The following SOBP variants were observed in gnomAD, a reference collection of about 807,000 sequenced individuals.
SOBP encodes sine oculis-binding protein homolog.
A neutral mutation model predicts 53.6 loss-of-function variants in SOBP; 4 were observed. The ratio of observed to expected loss-of-function variants is 0.07; its 90% CI spans 0.04 to 0.17. The LOEUF (loss-of-function observed/expected upper bound fraction) is 0.17, where lower values mean the gene tolerates loss of function less well. Ranked by LOEUF, SOBP falls within the 10% of genes least tolerant of loss-of-function variation. The pLI is 1.00. For synonymous variants in SOBP, 584 were observed against 522.6 expected (o/e 1.12, Z -1.60); for missense variants, 1,088 against 1,204.7 (o/e 0.90, Z 1.43).
chr6:107,633,862 T>C lies in SOBP; in HGVS notation c.1018T>C (p.Cys340Arg), dbSNP rs767457517. 6.2e-7 allele frequency: 1 copy of C among 1,614,006 alleles called. No homozygotes were observed. Among genetic ancestry groups the C allele is most frequent in the African/African-American group, 1.3e-5 (1 of 74,902 alleles). ...TTVSPSDTANCSVTKIPTPVP... is the reference protein window; with the variant it reads ...TTVSPSDTANRSVTKIPTPVP... ...CGTCTCTCCATCTGACACTGCCAAC[T>C]GCTCTGTCACTAAAATCCCCACGCC... Residue 340 changes from cysteine (C) to arginine (R), a missense_variant, in exon 6 of 7, where the codon TGC becomes CGC. Physicochemically the swap from Cys to Arg is radical, Grantham distance 180 (BLOSUM62 -3). Transcript: ENST00000317357.
intron 4 of SOBP, among the ~76,000 whole-genome samples, chr6:107,556,060 A>G (rs1784600732): frequency 6.6e-6 from 1 of 152,262 alleles, no homozygotes; most frequent in South Asian, 2.1e-4. Flanking sequence ...AAATGAGGAC[A>G]TTAACAATAC....
At chr6:107,516,657 C>T (rs9372162) in intron 3 of SOBP, among the ~76,000 whole-genome samples, 15,223 of 152,072 alleles carry the variant, frequency 0.1, 1,030 homozygotes, top group East Asian at 0.24. Context: ...TTATAATTTA[C>T]GACTCAATTT....
rs1770854068 is a variant in SOBP at position 107,634,156 on chromosome 6, C to G, written c.1312C>G (p.Pro438Ala). The change falls in exon 6 of 7, where the codon CCC becomes GCC. Residue 438 changes from proline to alanine, a missense_variant. This residue lies in a region of SOBP where 211 missense variants were observed against 258.9 expected (regional missense o/e 0.82). Transcript: ENST00000317357. This position sits in a 1 kb window ranked among gnomAD's most constrained non-coding sequence, Gnocchi z 4.5. ...CATGCTTCCCGGCATCGGGCCCCCG[C>G]CCGGTGGCCCCAGAAACCTGGGCCC... ...NPMLPGIGPP[P>A]GGPRNLGPTS... 1 of 1,611,306 alleles carries G rather than the reference C, an allele frequency of 6.2e-7. No individual in the cohort carries two copies. The highest frequency in any genetic ancestry group is 1.7e-5 in the Admixed American group (1 of 59,940).
chr6:107,508,686 T>C (rs1243010888), intron 3 of SOBP, among the ~76,000 whole-genome samples: 3 of 152,276 alleles, frequency 2.0e-5, no homozygotes, highest in Non-Finnish European at 1.5e-5. Context: ...TAATTACTAA[T>C]GTAATTGGTG....
chr6:107,610,644 T>G (rs887720873), intron 5 of SOBP, among the ~76,000 whole-genome samples: 2 of 152,360 alleles, frequency 1.3e-5, no homozygotes, highest in Admixed American at 1.3e-4. Context: ...CTTGAGCATT[T>G]CAAAGCATTC....
In SOBP at chr6:107,635,369, C is replaced by G; in HGVS notation, c.2525C>G (p.Pro842Arg). The change falls in exon 6 of 7, where the codon CCG (proline) becomes CGG (arginine). Residue 842 changes from proline to arginine, a missense_variant. Coordinates refer to ENST00000317357, the MANE Select transcript of SOBP (RefSeq NM_018013.4). The surrounding 1 kb of genome is among the most constrained non-coding windows in gnomAD (Gnocchi z 4.5). The stretch of plus-strand genomic sequence containing the variant: ...CCCGCGGAGAAGGCTGCCATGGCAC[C>G]GTGCATCATCTCCTCGCCCATGCTC... ...PKPAEKAAMA[P>R]CIISSPMLSA... is the part of the protein sequence containing the mutation. The G allele has an allele frequency of 6.2e-7, 1 of 1,613,520 alleles. No homozygotes were observed. Among genetic ancestry groups the G allele is most frequent in the Non-Finnish European group, 8.5e-7 (1 of 1,180,020 alleles).
chr6:107,510,572 T>TC (rs1314098807), intron 3 of SOBP: 43 of 152,250 alleles, frequency 2.8e-4, no homozygotes, highest in Admixed American at 2.8e-3. Context: ...GACTGCAGCT[T>TC]CCTTGATAGT....
intron 4 of SOBP, among the ~76,000 whole-genome samples, chr6:107,553,925 A>G (rs1784537124): frequency 6.6e-6 from 1 of 152,212 alleles, no homozygotes; most frequent in Non-Finnish European, 1.5e-5. Flanking sequence ...TGTAACATGC[A>G]TTAGACATGA....
chr6:107,495,355 G>A (rs1018300499), intron 1 of SOBP, among the ~76,000 whole-genome samples: 9 of 152,146 alleles, frequency 5.9e-5, no homozygotes, highest in African/African-American at 2.2e-4. Flanking sequence ...TATGTATTAT[G>A]GTCTGTTCAA....
intron 5 of SOBP, among the ~76,000 whole-genome samples, chr6:107,600,592 G>A (rs529179857): frequency 1.3e-5 from 2 of 152,198 alleles, no homozygotes; most frequent in Non-Finnish European, 2.9e-5. Context: ...TCTATTGCAA[G>A]AAAGAAATGA....
intron 4 of SOBP, among the ~76,000 whole-genome samples, chr6:107,549,290 C>CAA (rs1215357663): frequency 6.6e-6 from 1 of 151,042 alleles, no homozygotes; most frequent in African/African-American, 2.4e-5. Flanking sequence ...CAAACAACAA[C>CAA]AACAAAAAAA....
intron 4 of SOBP, among the ~76,000 whole-genome samples, chr6:107,560,216 C>T (rs964353750): frequency 1.3e-5 from 2 of 152,150 alleles, no homozygotes; most frequent in Non-Finnish European, 2.9e-5. Flanking sequence ...CTTATCCTTC[C>T]CCAGCCCAAG....
At chr6:107,548,242 T>C (rs1040785055) in intron 4 of SOBP, among the ~76,000 whole-genome samples, 1 of 151,600 alleles carries the variant, frequency 6.6e-6, no homozygotes, top group Non-Finnish European at 1.5e-5. Context: ...TAATTTTCTT[T>C]TTCTGTTTTC....
intron 1 of SOBP, among the ~76,000 whole-genome samples, chr6:107,493,951 T>C (rs1782639037): frequency 6.6e-6 from 1 of 152,238 alleles, no homozygotes; most frequent in Non-Finnish European, 1.5e-5. Context: ...CAAATTTAAA[T>C]TTGATACAAT....
intron 4 of SOBP, among the ~76,000 whole-genome samples, chr6:107,541,789 A>G (rs750696763): frequency 1.3e-5 from 2 of 152,184 alleles, no homozygotes; most frequent in Non-Finnish European, 2.9e-5. Context: ...GAAGGATGTG[A>G]CACTTTCTGT....
At chr6:107,647,062 C>A (rs1182575323) in intron 6 of SOBP, among the ~76,000 whole-genome samples, 6 of 152,162 alleles carry the variant, frequency 3.9e-5, no homozygotes, top group Non-Finnish European at 8.8e-5. Context: ...TGGAGTGAGA[C>A]CTGCCTGGGT....
chr6:107,645,640 CATT>C (rs963041886), intron 6 of SOBP, among the ~76,000 whole-genome samples: 4 of 152,174 alleles, frequency 2.6e-5, no homozygotes, highest in Admixed American at 6.5e-5. Flanking sequence ...CCAGTTCACT[CATT>C]GTTGTAACCA....
At chr6:107,642,966 G>A (rs1771395021) in intron 6 of SOBP, among the ~76,000 whole-genome samples, 1 of 152,192 alleles carries the variant, frequency 6.6e-6, no homozygotes, top group Admixed American at 6.5e-5. Flanking sequence ...TACAACATGT[G>A]TCTCAATTTG....
Position 107,660,590 on chromosome 6 carries a change from T to C in SOBP, c.*2387T>C, listed in dbSNP as rs1772255145. On this transcript the variant is annotated 3_prime_UTR_variant, in exon 7 of 7. Coordinates refer to ENST00000317357, the MANE Select transcript of SOBP (RefSeq NM_018013.4). Reference sequence around the variant, plus strand: ...CCACACACCATCTCACCCCACTGACTAGAGAGACTTTTATTTCAGCCTTAT... The same window carrying C: ...CCACACACCATCTCACCCCACTGACCAGAGAGACTTTTATTTCAGCCTTAT... Among the ~76,000 whole-genome samples, 1 of 152,200 alleles carries C rather than the reference T, an allele frequency of 6.6e-6. No homozygotes were observed. Among genetic ancestry groups the C allele is most frequent in the Admixed American group, 6.5e-5 (1 of 15,284 alleles).
Sources: gnomAD v4.1 joint callset for allele counts (sites outside exome capture counted in the v4.1 genomes callset) on GRCh38, gnomAD v4.1.1 for gene constraint, gnomAD v4.1.1 regional missense constraint, Gnocchi (gnomAD v3.1) non-coding constraint, MANE v1.5 for transcripts, NCBI Gene and HGNC (gene_info 2026-07-23, HGNC 2026-07-21) for gene names.